Variants in RHD observed in about 807,000 individuals in gnomAD.
RHD encodes blood group Rh(D) polypeptide.
RHD carries 16 observed loss-of-function variants against 45.5 expected under a neutral mutation model. The ratio of observed to expected loss-of-function variants is 0.35; its 90% CI spans 0.24 to 0.53. The LOEUF is 0.53. Ranked by LOEUF, RHD falls within the 20% of genes least tolerant of loss-of-function variation. RHD has a pLI of 0.92. For synonymous variants in RHD, 131 were observed against 217.5 expected, an observed-to-expected ratio of 0.60 and a Z score of 3.50; for missense variants, 306 against 532.0, an observed-to-expected ratio of 0.58 and a Z score of 4.18.
intron 1 of RHD, among the ~76,000 whole-genome samples, chr1:25,279,037 G>C (rs1194455666): frequency 7.7e-6 from 1 of 130,016 alleles, no homozygotes; most frequent in East Asian, 2.0e-4. Flanking sequence ...CAGAAGGAGG[G>C]GCAAGAGTGG....
intron 7 of RHD, among the ~76,000 whole-genome samples, chr1:25,311,849 G>A (rs1644166601): frequency 7.6e-6 from 1 of 131,432 alleles, no homozygotes; most frequent in Non-Finnish European, 1.8e-5. Context: ...TTTTGCAGGT[G>A]TGCAGAATGC....
intron 7 of RHD, among the ~76,000 whole-genome samples, chr1:25,313,831 T>A (rs574589580): frequency 1.5e-5 from 2 of 133,030 alleles, no homozygotes; most frequent in East Asian, 3.9e-4. Context: ...CTGAGAAAGC[T>A]GACTTGCAAG....
In RHD at chr1:25,279,724, C is replaced by T. The variant is rs536776647; in HGVS notation, c.149-4849C>T. Among the ~76,000 whole-genome samples the T allele has an allele frequency of 1.1e-4, 14 of 125,126 alleles. No individual in the cohort carries two copies. In the East Asian group the frequency reaches 2.8e-3, roughly 25 times the overall value. 82.1% of individuals were successfully genotyped at this position (125,126 alleles called of 152,430 possible). On this transcript the variant is annotated intron_variant, in intron 1 of 9. Transcript: ENST00000328664. ...CAATGGTGAGTATTGCCTTATCTCT[C>T]GCTGCTGAACTACCAGGTTAGACTT...
chr1:25,276,139 T>C (rs1238729623), intron 1 of RHD, among the ~76,000 whole-genome samples: 1 of 131,794 alleles, frequency 7.6e-6, no homozygotes, highest in Admixed American at 7.4e-5. Flanking sequence ...TATCTTACGA[T>C]ATACAAGGAT....
Position 25,329,676 on chromosome 1 carries a change from A to T in RHD, c.*752A>T, listed in dbSNP as rs1417788288. The T allele has an allele frequency of 7.8e-6, 1 of 128,980 alleles. No homozygotes were observed. The highest frequency in any genetic ancestry group is 2.0e-4 in the East Asian group (1 of 5,012). The allele number at this position is 128,980 out of a possible 1,614,324, so 8.0% of individuals were successfully genotyped here. A position where few individuals can be genotyped will look rare whatever the true frequency, so the allele number is the denominator to read the frequency against. On this transcript the variant is annotated 3_prime_UTR_variant, in exon 10 of 10. Coordinates refer to ENST00000328664, the MANE Select transcript of RHD (RefSeq NM_016124.6). ...GATTTTTATACTTTTTTTTTTTGAA[A>T]CGGAGTCTCACTCTGTCACCAGGCT...
intron 7 of RHD, among the ~76,000 whole-genome samples, chr1:25,310,552 A>C (rs1644088061): frequency 7.6e-6 from 1 of 131,762 alleles, no homozygotes; most frequent in African/African-American, 2.6e-5. Context: ...AAAGAAAATT[A>C]ATGCAAGAAG....
intron 3 of RHD, among the ~76,000 whole-genome samples, chr1:25,299,297 G>C (rs1184783401): frequency 2.3e-5 from 3 of 130,142 alleles, no homozygotes. Flanking sequence ...CAGGAGAATC[G>C]CTTGAACCCA....
At position 25,296,942 on chromosome 1, in the gene RHD, C is replaced by G. The variant is rs1643007288; in HGVS notation, c.487-4004C>G. 1.5e-5 allele frequency among the ~76,000 whole-genome samples: 2 copies of G among 130,962 alleles called. 1 individual carries two copies. The highest frequency in any genetic ancestry group is 5.3e-5 in the African/African-American group (2 of 37,864). The allele number at this position is 130,962 out of a possible 152,430, so 85.9% of individuals were successfully genotyped here. A position where few individuals can be genotyped will look rare whatever the true frequency, so the allele number is the denominator to read the frequency against. On this transcript the variant is annotated intron_variant, in intron 3 of 9. Coordinates refer to ENST00000328664, the MANE Select transcript of RHD (RefSeq NM_016124.6). The stretch of plus-strand genomic sequence containing the variant: ...AACAGACTAACACAATTTCCTAAAA[C>G]AAGGGGACATTCTCTTACATAACCT...
rs572816077 is a variant in RHD at position 25,290,860 on chromosome 1, A to G, written c.486+69A>G. The G allele has an allele frequency of 3.4e-3, 4,534 of 1,328,590 alleles. 615 individuals are homozygous for G. In the African/African-American group the frequency reaches 0.054, roughly 16 times the overall value. The allele number at this position is 1,328,590 out of a possible 1,614,324, so 82.3% of individuals were successfully genotyped here. A position where few individuals can be genotyped will look rare whatever the true frequency, so the allele number is the denominator to read the frequency against. On this transcript the variant is annotated intron_variant, in intron 3 of 9. Coordinates refer to ENST00000328664, the MANE Select transcript of RHD (RefSeq NM_016124.6). Reference sequence around the variant, plus strand: ...AAAAGCTCCATTTGGTGGGGTTTCCAGGGTTTTGAAAAATAAAGACAACCT... The same window carrying G: ...AAAAGCTCCATTTGGTGGGGTTTCCGGGGTTTTGAAAAATAAAGACAACCT...
intron 7 of RHD, among the ~76,000 whole-genome samples, chr1:25,315,715 C>T: frequency 7.7e-6 from 1 of 129,534 alleles, no homozygotes; most frequent in East Asian, 2.0e-4. Flanking sequence ...CCAGGATGGT[C>T]TCCATCTCCT....
intron 6 of RHD, among the ~76,000 whole-genome samples, chr1:25,305,001 G>A (rs1412879589): frequency 7.6e-6 from 1 of 132,070 alleles, no homozygotes; most frequent in East Asian, 1.9e-4. Flanking sequence ...CAACACATAC[G>A]TTTTAACACT....
chr1:25,277,999 TAAATA>T (rs1357290473), intron 1 of RHD, among the ~76,000 whole-genome samples: 1 of 131,538 alleles, frequency 7.6e-6, no homozygotes, highest in African/African-American at 2.6e-5. Flanking sequence ...CTTAATTTTT[TAAATA>T]AAATAAATAA....
At position 25,284,258 on chromosome 1, in the gene RHD, T is replaced by A. The variant is rs138498523; in HGVS notation, c.149-315T>A. Among the ~76,000 whole-genome samples the A allele has an allele frequency of 2.2e-3, 300 of 136,174 alleles. 1 individual carries two copies. The highest frequency in any genetic ancestry group is 2.9e-3 in the Non-Finnish European group (168 of 57,102). The allele number at this position is 136,174 out of a possible 152,430, so 89.3% of individuals were successfully genotyped here. On this transcript the variant is annotated intron_variant, in intron 1 of 9. Transcript: ENST00000328664. ...GCGTCAAGCACGTGTGCTTTACACT[T>A]GTTCTTATTATTAGGTTTAATAATA... is the stretch of plus-strand genomic sequence containing the variant.
chr1:25,313,362 G>C (rs182240788), intron 7 of RHD, among the ~76,000 whole-genome samples: 3 of 132,648 alleles, frequency 2.3e-5, no homozygotes, highest in Non-Finnish European at 5.4e-5. Flanking sequence ...GTGGTATTCT[G>C]TTATAGCAAT....
intron 7 of RHD, among the ~76,000 whole-genome samples, chr1:25,310,439 G>A: frequency 7.6e-6 from 1 of 132,360 alleles, no homozygotes; most frequent in Non-Finnish European, 1.8e-5. Context: ...GTGGCACCAT[G>A]CTTTTGGACT....
chr1:25,311,067 A>C (rs1286547249), intron 7 of RHD, among the ~76,000 whole-genome samples: 1 of 132,352 alleles, frequency 7.6e-6, no homozygotes, highest in African/African-American at 2.6e-5. Context: ...AACTAGGGAA[A>C]GTCTGGAACT....
chr1:25,285,105 T>C (rs1641853241), intron 2 of RHD, among the ~76,000 whole-genome samples: 1 of 133,274 alleles, frequency 7.5e-6, no homozygotes, highest in Non-Finnish European at 1.8e-5. Flanking sequence ...CAGAGAGAAA[T>C]AGACATGCCA....
chr1:25,306,028 C>A (rs2124689629), intron 6 of RHD, among the ~76,000 whole-genome samples: 1 of 131,676 alleles, frequency 7.6e-6, no homozygotes, highest in South Asian at 2.3e-4. Flanking sequence ...GGAAGGATTA[C>A]TGAGTAGGGA....
chr1:25,279,105 G>A (rs1452881456), intron 1 of RHD, among the ~76,000 whole-genome samples: 3 of 127,974 alleles, frequency 2.3e-5, no homozygotes, highest in East Asian at 3.9e-4. Flanking sequence ...AGCTGCCCAA[G>A]GGGATGGACT....
Sources: gnomAD v4.1 joint callset for allele counts (sites outside exome capture counted in the v4.1 genomes callset) on GRCh38, gnomAD v4.1.1 for gene constraint, MANE v1.5 for transcripts, NCBI Gene and HGNC (gene_info 2026-07-23, HGNC 2026-07-21) for gene names.